PGM1: variants seen among roughly 807,000 people sequenced by gnomAD.
PGM1 encodes phosphoglucomutase-1.
PGM1 carries 52 observed loss-of-function variants against 55.6 expected under a neutral mutation model. The observed-to-expected ratio is 0.94, with a 90% CI of 0.75 to 1.18. PGM1 has a LOEUF of 1.18. PGM1 is among the 50% of genes most tolerant of loss of function. PGM1 has a pLI of 0.00. For missense variants in PGM1, 724 were observed against 729.3 expected, an observed-to-expected ratio of 0.99 and a Z score of 0.08; for synonymous variants, 287 against 271.7, an observed-to-expected ratio of 1.06 and a Z score of -0.55.
At chr1:63,638,638 C>A in intron 6 of PGM1, 47 bp from the exon 7 acceptor site, 1 of 1,298,538 alleles carries the variant, frequency 7.7e-7, no homozygotes, top group Non-Finnish European at 1.1e-6. Context: ...CACATGGCCA[C>A]GCTAACAGTC....
At chr1:63,647,296 A>ATATATATATATATATATATG (rs1649682289) in intron 7 of PGM1, among the ~76,000 whole-genome samples, 1 of 113,456 alleles carries the variant, frequency 8.8e-6, no homozygotes. Context: ...ATATATATAT[A>ATATATATATATATATATATG]TATATATATA....
chr1:63,647,294 A>ACG (rs1649681069), intron 7 of PGM1, among the ~76,000 whole-genome samples: 1 of 88,948 alleles, frequency 1.1e-5, no homozygotes, highest in African/African-American at 5.1e-5. Flanking sequence ...ATATATATAT[A>ACG]TATATATATA....
rs80334201 is a variant in PGM1, at chr1:63,660,122, G to A, written c.*447G>A. ...AACCCAACAAAATGCAATTTCTAGT[G>A]CCTTCTGTCCAATCAGTTCTTTCCT... On this transcript the variant is annotated 3_prime_UTR_variant, in exon 11 of 11. Transcript: ENST00000371084. 2.4e-3 allele frequency: 545 copies of A among 227,100 alleles called. 17 individuals carry two copies. In the East Asian group the frequency reaches 0.04, roughly 17 times the overall value. The allele number at this position is 227,100 out of a possible 1,614,324, so 14.1% of individuals were successfully genotyped here. A position where few individuals can be genotyped will look rare whatever the true frequency, so the allele number is the denominator to read the frequency against.
At chr1:63,599,439 C>G (rs1197636624) in intron 1 of PGM1, among the ~76,000 whole-genome samples, 3 of 151,884 alleles carry the variant, frequency 2.0e-5, no homozygotes, top group Admixed American at 6.6e-5. Flanking sequence ...GCTGGGATTA[C>G]AGGCGTGAGC....
intron 1 of PGM1, among the ~76,000 whole-genome samples, chr1:63,626,608 GA>G (rs944904038): frequency 4.4e-5 from 4 of 91,340 alleles, no homozygotes; most frequent in East Asian, 3.0e-4. Context: ...AGTCACATGA[GA>G]AAAAAAAAGA....
Position 63,593,582 on chromosome 1 carries a change from A to G in PGM1, c.94A>G (p.Ser32Gly). The G allele has an allele frequency of 1.9e-6, 3 of 1,613,754 alleles. No individual in the cohort carries two copies. In the South Asian group the frequency reaches 3.3e-5, roughly 18 times the overall value. Residue 32 changes from serine to glycine, a missense_variant, in exon 1 of 11, where the codon AGC becomes GGC. Physicochemically the swap from Ser to Gly is moderately conservative, Grantham distance 56. This residue lies in a region of PGM1 where 379 missense variants were observed against 357.5 expected (regional missense o/e 1.06). Coordinates refer to ENST00000371084, the MANE Select transcript of PGM1 (RefSeq NM_002633.3). Reference protein sequence around the residue: ...LRKRVKVFQSSANYAENFIQS... With the variant: ...LRKRVKVFQSGANYAENFIQS... ...GAAGCGGGTGAAGGTGTTCCAGAGC[A>G]GCGCCAACTACGCGGAGAACTTCAT... is the stretch of plus-strand genomic sequence containing the variant.
chr1:63,633,866 C>CTGTGTG lies in PGM1; in HGVS notation c.683-915_683-910dup, dbSNP rs58094821. Among the ~76,000 whole-genome samples the CTGTGTG allele has an allele frequency of 3.1e-3, 225 of 73,388 alleles. 1 individual carries two copies. Among genetic ancestry groups the CTGTGTG allele is most frequent in the African/African-American group, 7.5e-3 (138 of 18,344 alleles). The allele number at this position is 73,388 out of a possible 152,430, so 48.1% of individuals were successfully genotyped here. On this transcript the variant is annotated intron_variant, in intron 4 of 10. Transcript: ENST00000371084. ...TGTATGCATGTGTGTGTCTGTGTCT[C>CTGTGTG]TGTGTGTGTGTGTGTGTGTGTGTGT...
intron 1 of PGM1, among the ~76,000 whole-genome samples, chr1:63,614,642 A>G (rs1302702363): frequency 6.6e-6 from 1 of 152,142 alleles, no homozygotes; most frequent in Non-Finnish European, 1.5e-5. Context: ...CAAGCCTTCT[A>G]ACTTGGGTTG....
At chr1:63,641,673 C>G (rs576792054) in intron 7 of PGM1, among the ~76,000 whole-genome samples, 11 of 152,290 alleles carry the variant, frequency 7.2e-5, no homozygotes, top group African/African-American at 2.6e-4. Context: ...GCTCTTGTGG[C>G]ACCATGTACC....
chr1:63,656,579 T>A (rs916030298), intron 10 of PGM1, among the ~76,000 whole-genome samples: 11 of 145,084 alleles, frequency 7.6e-5, no homozygotes, highest in African/African-American at 3.1e-4. Context: ...GTGGTGTGTG[T>A]GTGTGTGTGT....
intron 1 of PGM1, chr1:63,623,269 T>G (rs983174290): frequency 1.4e-6 from 2 of 1,427,490 alleles, no homozygotes; most frequent in Non-Finnish European, 1.8e-6. Flanking sequence ...TGTGTGGCCC[T>G]TAACTTGTTC....
intron 9 of PGM1, among the ~76,000 whole-genome samples, chr1:63,652,267 ATTATAC>A: frequency 6.6e-6 from 1 of 152,366 alleles, no homozygotes; most frequent in South Asian, 2.1e-4. Flanking sequence ...TGTAAGTGGC[ATTATAC>A]TTATACGTTT....
chr1:63,654,475 C>G lies in PGM1; in HGVS notation c.1599+9C>G. ...TTAACCAGGACCCCCAGGTAACGCC[C>G]AGCCCTGTGCCCTGGTTAGTTCTTT... On this transcript the variant is annotated intron_variant, in intron 10 of 10. Transcript: ENST00000371084. The G allele has an allele frequency of 6.2e-7, 1 of 1,613,704 alleles. No homozygotes were observed. The highest frequency in any genetic ancestry group is 8.5e-7 in the Non-Finnish European group (1 of 1,179,732).
chr1:63,636,363 A>C lies in PGM1; in HGVS notation c.1003A>C (p.Met335Leu), dbSNP rs764289842. The C allele has an allele frequency of 5.0e-6, 8 of 1,614,118 alleles. No individual in the cohort carries two copies. Among genetic ancestry groups the C allele is most frequent in the Non-Finnish European group, 6.8e-6 (8 of 1,180,006 alleles). Residue 335 changes from methionine to leucine, a missense_variant, in exon 6 of 11, where the codon ATG (methionine) becomes CTG (leucine). Transcript: ENST00000371084. ...TGGGGTCCGCGGCTTTGCACGGAGCATGCCCACGAGTGGTGCTCTGGACCG... is the reference window on the plus strand; with the variant it reads ...TGGGGTCCGCGGCTTTGCACGGAGCCTGCCCACGAGTGGTGCTCTGGACCG... ...QTGVRGFARS[M>L]PTSGALDRVA... is the part of the protein sequence containing the mutation.
rs78561273 is a variant in PGM1, at chr1:63,616,507, A to C, written c.247-12918A>C. On this transcript the variant is annotated intron_variant, in intron 1 of 10. Coordinates refer to ENST00000371084, the MANE Select transcript of PGM1 (RefSeq NM_002633.3). Reference sequence around the variant, plus strand: ...ATGAGTACTTTTTACTCCATTTTAAAATGATTTGTTGGCTTATCTATCTCT... The same window carrying C: ...ATGAGTACTTTTTACTCCATTTTAACATGATTTGTTGGCTTATCTATCTCT... 4.8e-3 allele frequency among the ~76,000 whole-genome samples: 733 copies of C among 152,242 alleles called. 7 individuals are homozygous for C. Among genetic ancestry groups the C allele is most frequent in the African/African-American group, 0.017 (693 of 41,526 alleles).
At chr1:63,622,079 C>T (rs1648891314) in intron 1 of PGM1, among the ~76,000 whole-genome samples, 1 of 152,168 alleles carries the variant, frequency 6.6e-6, no homozygotes, top group African/African-American at 2.4e-5. Flanking sequence ...GGCTGGAATA[C>T]AATGGCACGA....
rs1305288059 is a variant in PGM1 at position 63,593,629 on chromosome 1, G to A, written c.141G>A (p.Val47=). ...ENFIQSIIST[V]EPAQRQEATL... ...TCATCCAGAGTATCATCTCCACCGT[G>A]GAGCCGGCGCAGCGGCAGGAGGCCA... The change falls in exon 1 of 11, where the codon GTG becomes GTA. Residue 47 remains valine (V), a synonymous_variant. Coordinates refer to ENST00000371084, the MANE Select transcript of PGM1 (RefSeq NM_002633.3). 3.1e-6 allele frequency: 5 copies of A among 1,612,322 alleles called. No homozygotes were observed. The highest frequency in any genetic ancestry group is 4.2e-6 in the Non-Finnish European group (5 of 1,179,482).
intron 8 of PGM1, 143 bp from the exon 9 acceptor site, chr1:63,651,526 G>A (rs1406070049): frequency 1.4e-6 from 1 of 717,626 alleles, no homozygotes; most frequent in East Asian, 2.7e-5. Context: ...GTGACTGACA[G>A]GCCTGTATTT....
chr1:63,658,738 G>A (rs1489279575), intron 10 of PGM1, among the ~76,000 whole-genome samples: 1 of 144,926 alleles, frequency 6.9e-6, no homozygotes, highest in Admixed American at 7.0e-5. Flanking sequence ...GGCAACAAGA[G>A]TGAAACTCCA....
Sources: allele counts gnomAD v4.1 joint callset (sites outside exome capture counted in the v4.1 genomes callset), GRCh38; gene constraint gnomAD v4.1.1; regional missense constraint gnomAD v4.1.1; transcripts MANE v1.5; gene names NCBI Gene and HGNC (gene_info 2026-07-23, HGNC 2026-07-21).